Variants in TEKT4 observed in about 807,000 individuals in gnomAD.
TEKT4 encodes the protein tektin 4.
In TEKT4, 46 loss-of-function variants were observed where a neutral mutation model predicts 46.0. The observed-to-expected ratio is 1.00, with a 90% CI of 0.79 to 1.28. The LOEUF is 1.28. TEKT4 is among the 50% of genes most tolerant of loss of function. The pLI, the probability that TEKT4 is intolerant of heterozygous loss-of-function variation, is 0.00. For missense variants in TEKT4, 790 were observed against 622.9 expected (o/e 1.27, Z -2.85); for synonymous variants, 325 against 265.8 (o/e 1.22, Z -2.17).
At chr2:94,872,389 G>T (rs1220046442) in intron 1 of TEKT4, 4 of 481,228 alleles carry the variant, frequency 8.3e-6, no homozygotes, top group Non-Finnish European at 1.5e-5. Flanking sequence ...TCCCTCGCTG[G>T]GACAGTTGCT....
chr2:94,871,702 G>A lies in TEKT4; in HGVS notation c.123G>A (p.Leu41=), dbSNP rs77216634. Residue 41 remains leucine (L), a synonymous_variant, in exon 1 of 6, where the codon CTG becomes CTA. Coordinates refer to ENST00000295201, the MANE Select transcript of TEKT4 (RefSeq NM_144705.4). The part of the protein sequence containing the change: ...TASFRTSKYL[L]EEWFQNCYAR... ...GCTTCCGCACCTCCAAGTACCTGCT[G>A]GAGGAGTGGTTCCAGAACTGCTATG... The A allele has an allele frequency of 1.3e-4, 202 of 1,612,610 alleles. 1 individual carries two copies. In the East Asian group the frequency reaches 3.8e-3, roughly 31 times the overall value.
At chr2:94,872,197 A>T in intron 1 of TEKT4, 120 bp downstream of exon 1, 1 of 1,315,880 alleles carries the variant, frequency 7.6e-7, no homozygotes, top group Non-Finnish European at 1.0e-6. Context: ...AGCCCTCTGC[A>T]CGTGAGACCC....
intron 1 of TEKT4, 189 bp from the exon 2 acceptor site, chr2:94,873,331 C>T (rs372161086): frequency 1.0e-5 from 15 of 1,440,214 alleles, no homozygotes; most frequent in African/African-American, 7.2e-5. Flanking sequence ...CCACTTACAA[C>T]GCACCAAGGA....
In TEKT4 at chr2:94,876,816, T is replaced by C; in HGVS notation, c.*47T>C. 2.7e-6 allele frequency: 4 copies of C among 1,502,488 alleles called. No individual in the cohort carries two copies. Among genetic ancestry groups the C allele is most frequent in the Non-Finnish European group, 3.6e-6 (4 of 1,098,540 alleles). 93.1% of individuals were successfully genotyped at this position (1,502,488 alleles called of 1,614,324 possible). On this transcript the variant is annotated 3_prime_UTR_variant, in exon 6 of 6. Transcript: ENST00000295201. ...CCAGTCCCCCAAATAAACAGCGCGT[T>C]AGCTTTCTGCACAGTGTGTGTGTGT...
chr2:94,872,131 C>CCCT (rs1680602529), intron 1 of TEKT4, 54 bp downstream of exon 1: 2 of 1,476,118 alleles, frequency 1.4e-6, no homozygotes, highest in African/African-American at 2.8e-5. Context: ...GAGGAGCCCC[C>CCCT]CCCCCCGCAG....
intron 3 of TEKT4, 34 bp downstream of exon 3, chr2:94,874,142 G>T (rs1215846968): frequency 6.2e-7 from 1 of 1,602,730 alleles, no homozygotes; most frequent in African/African-American, 1.3e-5. Context: ...ACTTGCCCTG[G>T]CTGTGGTCTC....
In TEKT4 at chr2:94,874,880, T is replaced by A; in HGVS notation, c.818T>A (p.Ile273Asn). Residue 273 changes from isoleucine to asparagine, a missense_variant, in exon 4 of 6, where the codon ATC (isoleucine) becomes AAC (asparagine). Transcript: ENST00000295201. ...SANLRVLVDC[I>N]LRDTSEDLRL... ...AACCTGCGGGTGCTGGTGGACTGCA[T>A]CCTTCGCGACACCTCCGAGGACCTG... 6.2e-7 allele frequency: 1 copy of A among 1,610,756 alleles called. No homozygotes were observed. The highest frequency in any genetic ancestry group is 8.5e-7 in the Non-Finnish European group (1 of 1,179,040).
chr2:94,871,679 T>C lies in TEKT4; in HGVS notation c.100T>C (p.Phe34Leu). ...YTSSGLATAS[F>L]RTSKYLLEEW... ...GTCCTCCGGCCTGGCCACCGCCAGCTTCCGCACCTCCAAGTACCTGCTGGA... is the reference window on the plus strand; with the variant it reads ...GTCCTCCGGCCTGGCCACCGCCAGCCTCCGCACCTCCAAGTACCTGCTGGA... The change falls in exon 1 of 6, where the codon TTC becomes CTC. Residue 34 changes from phenylalanine to leucine, a missense_variant. Physicochemically the swap from Phe to Leu is conservative, Grantham distance 22. Coordinates refer to ENST00000295201, the MANE Select transcript of TEKT4 (RefSeq NM_144705.4). 2 of 1,612,594 alleles carry C rather than the reference T, an allele frequency of 1.2e-6. No homozygotes were observed. The highest frequency in any genetic ancestry group is 8.5e-7 in the Non-Finnish European group (1 of 1,179,920).
At chr2:94,872,122 A>C in intron 1 of TEKT4, 45 bp downstream of exon 1, 2 of 1,375,514 alleles carry the variant, frequency 1.5e-6, no homozygotes, top group Non-Finnish European at 1.9e-6. Flanking sequence ...CGCAGAGAGG[A>C]GGAGCCCCCC....
chr2:94,871,635 G>A lies in TEKT4; in HGVS notation c.56G>A (p.Arg19His), dbSNP rs150741943. 40 of 1,612,424 alleles carry A rather than the reference G, an allele frequency of 2.5e-5. No homozygotes were observed. The highest frequency in any genetic ancestry group is 2.0e-4 in the African/African-American group (15 of 75,054). The change falls in exon 1 of 6, where the codon CGT becomes CAT. Residue 19 changes from arginine (R) to histidine (H), a missense_variant. Transcript: ENST00000295201. ...ELPCKEYDVARNTGAYTSSGL... is the reference protein window; with the variant it reads ...ELPCKEYDVAHNTGAYTSSGL... ...CCCTGCAAAGAGTACGACGTGGCCC[G>A]TAACACGGGCGCCTACACGTCCTCC...
At chr2:94,875,097 A>G in intron 4 of TEKT4, 99 bp downstream of exon 4, 1 of 1,266,938 alleles carries the variant, frequency 7.9e-7, no homozygotes, top group Non-Finnish European at 1.1e-6. Flanking sequence ...GGGACCCCAG[A>G]AGCAAGTGTC....
chr2:94,876,543 A>G lies in TEKT4; in HGVS notation c.1092-10A>G. ...CCTAGCCCCGGCTCACACCCCCCCA[A>G]CACCCCCAGGCTGTTGAGTGAGGTG... is the stretch of plus-strand genomic sequence containing the variant. On this transcript the variant is annotated splice_polypyrimidine_tract_variant and intron_variant, in intron 5 of 5. Transcript: ENST00000295201. The G allele has an allele frequency of 6.3e-7, 1 of 1,597,676 alleles. No individual in the cohort carries two copies. Among genetic ancestry groups the G allele is most frequent in the Non-Finnish European group, 8.5e-7 (1 of 1,173,748 alleles).
At position 94,876,747 on chromosome 2, in the gene TEKT4, T is replaced by C; in HGVS notation, c.1286T>C (p.Leu429Pro). ...CATCGTACTCGCTACCCCACCATCC[T>C]GCAGCTGGCTGGCTACCAGTGAGCA... is the stretch of plus-strand genomic sequence containing the variant. ...MAHRTRYPTI[L>P]QLAGYQ is the part of the protein sequence containing the mutation. Residue 429 changes from leucine to proline, a missense_variant, in exon 6 of 6, where the codon CTG becomes CCG. By Grantham distance (98) the Leu-to-Pro change is moderately conservative (BLOSUM62 -3). Transcript: ENST00000295201. 1.2e-6 allele frequency: 2 copies of C among 1,608,224 alleles called. No individual in the cohort carries two copies.
At position 94,872,870 on chromosome 2, in the gene TEKT4, ACT is replaced by A. The variant is rs1238149108; in HGVS notation, c.499-645_499-644del. ...TCAAGAACTCCTGCAGCTCCCGCAA[ACT>A]CTCTGCCCGCAACAAGGGCACCTGC... On this transcript the variant is annotated intron_variant, in intron 1 of 5. Coordinates refer to ENST00000295201, the MANE Select transcript of TEKT4 (RefSeq NM_144705.4). 12 of 1,288,512 alleles carry A rather than the reference ACT, an allele frequency of 9.3e-6. No individual in the cohort carries two copies. The African/African-American group carries it at 1.5e-4, about 16-fold the overall frequency. 79.8% of individuals were successfully genotyped at this position (1,288,512 alleles called of 1,614,324 possible).
chr2:94,876,788 C>G lies in TEKT4; in HGVS notation c.*19C>G, dbSNP rs1553396804. ...CCAGTGAGCAGCGGCACGGTGCTTC[C>G]CCCCAGTCCCCCAAATAAACAGCGC... On this transcript the variant is annotated 3_prime_UTR_variant, in exon 6 of 6. Coordinates refer to ENST00000295201, the MANE Select transcript of TEKT4 (RefSeq NM_144705.4). 1.3e-6 allele frequency: 2 copies of G among 1,596,452 alleles called. No individual in the cohort carries two copies. The highest frequency in any genetic ancestry group is 4.5e-5 in the East Asian group (2 of 44,714).
At chr2:94,875,857 G>C in intron 5 of TEKT4, 115 bp downstream of exon 5, 2 of 1,119,426 alleles carry the variant, frequency 1.8e-6, no homozygotes, top group Non-Finnish European at 2.5e-6. Context: ...GTGCTGAGAG[G>C]GGAGGGAGAC....
In TEKT4 at chr2:94,873,977, G is replaced by GCACAAGGAGAC; in HGVS notation, c.584_594dup (p.Cys199ThrfsTer94). Reference sequence around the variant, plus strand: ...CACCCCGCCCCAGACTGAACCGGGAGCACAAGGAGACCTGCGAGATGGACT... The same window carrying GCACAAGGAGAC: ...CACCCCGCCCCAGACTGAACCGGGAGCACAAGGAGACCACAAGGAGACCTGCGAGATGGACT... On this transcript the variant is annotated frameshift_variant, in exon 3 of 6. Transcript: ENST00000295201. LOFTEE classifies it high-confidence loss of function. The GCACAAGGAGAC allele has an allele frequency of 1.2e-6, 2 of 1,613,794 alleles. No individual in the cohort carries two copies. Among genetic ancestry groups the GCACAAGGAGAC allele is most frequent in the Non-Finnish European group, 1.7e-6 (2 of 1,179,972 alleles).
rs1553395552 is a variant in TEKT4, at chr2:94,874,017, G to A, written c.622G>A (p.Glu208Lys). 1.2e-6 allele frequency: 2 copies of A among 1,613,906 alleles called. No homozygotes were observed. Among genetic ancestry groups the A allele is most frequent in the East Asian group, 2.2e-5 (1 of 44,874 alleles). Residue 208 changes from glutamate to lysine, a missense_variant, in exon 3 of 6, where the codon GAG (glutamate) becomes AAG (lysine). Coordinates refer to ENST00000295201, the MANE Select transcript of TEKT4 (RefSeq NM_144705.4). Reference protein sequence around the residue: ...TCEMDWSDKMEAYNIDETCGR... With the variant: ...TCEMDWSDKMKAYNIDETCGR... ...CGAGATGGACTGGTCAGACAAGATG[G>A]AGGCCTACAACATCGACGAGACCTG...
chr2:94,875,872 G>A, intron 5 of TEKT4, 130 bp downstream of exon 5: 1 of 920,538 alleles, frequency 1.1e-6, no homozygotes, highest in Admixed American at 2.4e-5. Context: ...GGAGACTTTG[G>A]GGCCACACAC....
Sources: allele counts gnomAD v4.1 joint callset, GRCh38; gene constraint gnomAD v4.1.1; transcripts MANE v1.5; gene names NCBI Gene and HGNC (gene_info 2026-07-23, HGNC 2026-07-21).